EXOC6B: variants seen among roughly 807,000 people sequenced by gnomAD.
EXOC6B encodes SEC15 homolog B.
In EXOC6B, 54 loss-of-function variants were observed where a neutral mutation model predicts 113.5. That is an observed-to-expected ratio of 0.48 (90% CI 0.38 to 0.60). The LOEUF (loss-of-function observed/expected upper bound fraction) is 0.60, where lower values mean the gene tolerates loss of function less well. Among genes scored for constraint, EXOC6B ranks in the 20% least tolerant of loss-of-function variants. EXOC6B has a pLI of 0.00. For synonymous variants in EXOC6B, 357 were observed against 339.0 expected (o/e 1.05, Z -0.58); for missense variants, 797 against 977.5 (o/e 0.82, Z 2.46).
At chr2:72,453,990 G>C (rs1157982837) in intron 18 of EXOC6B, among the ~76,000 whole-genome samples, 1 of 152,110 alleles carries the variant, frequency 6.6e-6, no homozygotes, top group Non-Finnish European at 1.5e-5. Flanking sequence ...TGAGAGAAGG[G>C]GGAAGCCCCT....
intron 6 of EXOC6B, among the ~76,000 whole-genome samples, chr2:72,684,943 C>T (rs909707988): frequency 6.6e-6 from 1 of 151,976 alleles, no homozygotes; most frequent in Admixed American, 6.6e-5. Flanking sequence ...GTCAAAAACT[C>T]GCTTCAGATT....
Position 72,179,038 on chromosome 2 carries a change from C to T in EXOC6B, c.*297G>A, listed in dbSNP as rs910632497. ...AAGCCCCAGACCTAAGCTTTAGAGCCATGGATGAAAGGTGGTTCATCACTG... is the reference window on the plus strand; with the variant it reads ...AAGCCCCAGACCTAAGCTTTAGAGCTATGGATGAAAGGTGGTTCATCACTG... On this transcript the variant is annotated 3_prime_UTR_variant, in exon 22 of 22. Transcript: ENST00000272427. The T allele has an allele frequency of 1.0e-5, 3 of 294,862 alleles. No individual in the cohort carries two copies. The highest frequency in any genetic ancestry group is 6.6e-5 in the African/African-American group (3 of 45,532). The allele number at this position is 294,862 out of a possible 1,614,324, so 18.3% of individuals were successfully genotyped here. A position where few individuals can be genotyped will look rare whatever the true frequency, so the allele number is the denominator to read the frequency against.
chr2:72,197,425 G>T (rs901586169), intron 20 of EXOC6B, among the ~76,000 whole-genome samples: 14 of 152,184 alleles, frequency 9.2e-5, no homozygotes, highest in African/African-American at 3.4e-4. Context: ...TAGCAGTGAA[G>T]AGGCTGAAGA....
intron 18 of EXOC6B, among the ~76,000 whole-genome samples, chr2:72,416,852 G>A (rs887179467): frequency 1.3e-5 from 2 of 152,032 alleles, no homozygotes; most frequent in African/African-American, 2.4e-5. Context: ...ATTAACAATC[G>A]CAGACTCTTT....
chr2:72,496,911 A>T (rs1421996062), intron 13 of EXOC6B, among the ~76,000 whole-genome samples: 1 of 149,990 alleles, frequency 6.7e-6, no homozygotes, highest in Non-Finnish European at 1.5e-5. Flanking sequence ...AAAGGCAAAG[A>T]TATTTTCTGT....
chr2:72,597,811 C>T (rs1474501304), intron 6 of EXOC6B, among the ~76,000 whole-genome samples: 1 of 151,800 alleles, frequency 6.6e-6, no homozygotes, highest in Admixed American at 6.6e-5. Flanking sequence ...AGACAAAGCA[C>T]ATTTCAGAAC....
intron 18 of EXOC6B, among the ~76,000 whole-genome samples, chr2:72,451,955 AT>A (rs777287593): frequency 5.9e-5 from 9 of 152,162 alleles, no homozygotes; most frequent in East Asian, 5.8e-4. Flanking sequence ...CCTGTTGCTC[AT>A]TTAACTGTGA....
chr2:72,773,737 C>T (rs1412714032), intron 1 of EXOC6B, among the ~76,000 whole-genome samples: 4 of 152,128 alleles, frequency 2.6e-5, no homozygotes, highest in Non-Finnish European at 5.9e-5. Context: ...TTGTGAAAGT[C>T]TCTTTAATGT....
intron 8 of EXOC6B, among the ~76,000 whole-genome samples, chr2:72,531,931 GC>G (rs1393066363): frequency 1.3e-5 from 2 of 152,110 alleles, no homozygotes; most frequent in East Asian, 3.9e-4. Context: ...GTTGCAGTGA[GC>G]CAAGATTGTG....
At chr2:72,593,343 G>C (rs1474295221) in intron 6 of EXOC6B, among the ~76,000 whole-genome samples, 1 of 152,104 alleles carries the variant, frequency 6.6e-6, no homozygotes, top group Non-Finnish European at 1.5e-5. Flanking sequence ...CTAAACAGAA[G>C]GATGGGTAAA....
chr2:72,539,458 G>T (rs1366387310), intron 8 of EXOC6B, among the ~76,000 whole-genome samples: 1 of 152,146 alleles, frequency 6.6e-6, no homozygotes, highest in Admixed American at 6.5e-5. Flanking sequence ...ACTAAACAAG[G>T]TACCCTGTGT....
intron 18 of EXOC6B, among the ~76,000 whole-genome samples, chr2:72,427,228 G>A (rs1039129020): frequency 1.3e-5 from 2 of 152,192 alleles, no homozygotes; most frequent in African/African-American, 4.8e-5. Flanking sequence ...GGCACAGAGG[G>A]GTGGACAGAG....
intron 6 of EXOC6B, among the ~76,000 whole-genome samples, chr2:72,656,797 A>G (rs1289193441): frequency 6.6e-6 from 1 of 152,230 alleles, no homozygotes; most frequent in East Asian, 1.9e-4. Flanking sequence ...GTATGTGTAT[A>G]CACAAACATA....
At chr2:72,306,192 G>C (rs1686846482) in intron 20 of EXOC6B, among the ~76,000 whole-genome samples, 1 of 151,688 alleles carries the variant, frequency 6.6e-6, no homozygotes, top group Non-Finnish European at 1.5e-5. Flanking sequence ...TAAAAAACAA[G>C]GTAAATAATA....
chr2:72,209,944 T>C (rs963290355), intron 20 of EXOC6B, among the ~76,000 whole-genome samples: 1 of 152,234 alleles, frequency 6.6e-6, no homozygotes, highest in African/African-American at 2.4e-5. Flanking sequence ...ATTTTTATGT[T>C]GTTGCTTTTC....
At chr2:72,256,579 G>A (rs1333457927) in intron 20 of EXOC6B, among the ~76,000 whole-genome samples, 1 of 152,170 alleles carries the variant, frequency 6.6e-6, no homozygotes, top group Non-Finnish European at 1.5e-5. Context: ...AAAACTGAGA[G>A]TAGAGGTAAT....
intron 1 of EXOC6B, among the ~76,000 whole-genome samples, chr2:72,822,337 G>A (rs1176327138): frequency 1.3e-5 from 2 of 152,162 alleles, no homozygotes; most frequent in African/African-American, 4.8e-5. Flanking sequence ...GAGAGAGATA[G>A]CTACTTTCCC....
At chr2:72,630,987 G>A (rs775440860) in intron 6 of EXOC6B, among the ~76,000 whole-genome samples, 1 of 152,112 alleles carries the variant, frequency 6.6e-6, no homozygotes, top group Non-Finnish European at 1.5e-5. Flanking sequence ...ATCCCAAAGT[G>A]ATGTCCCAAC....
intron 21 of EXOC6B, among the ~76,000 whole-genome samples, chr2:72,180,339 G>T (rs1168674881): frequency 6.6e-6 from 1 of 152,222 alleles, no homozygotes; most frequent in African/African-American, 2.4e-5. Context: ...GGCTGAGATG[G>T]TCACAGAACC....
Sources: gnomAD v4.1 joint callset for allele counts (sites outside exome capture counted in the v4.1 genomes callset) on GRCh38, gnomAD v4.1.1 for gene constraint, MANE v1.5 for transcripts, NCBI Gene and HGNC (gene_info 2026-07-23, HGNC 2026-07-21) for gene names.